VPS13D: variants seen among roughly 807,000 people sequenced by gnomAD.
VPS13D encodes vacuolar protein sorting 13 homolog D.
Under a neutral mutation model 461.9 loss-of-function variants are expected in VPS13D, and 187 were observed. That is an observed-to-expected ratio of 0.40 (90% CI 0.36 to 0.46). VPS13D has a LOEUF of 0.46. Among genes scored for constraint, VPS13D ranks in the 20% least tolerant of loss-of-function variants. The probability of loss-of-function intolerance (pLI) is 0.60; values close to 1 mark genes in which losing one functional copy is unlikely to be tolerated. For synonymous variants in VPS13D, 1,951 were observed against 1,986.3 expected (o/e 0.98, Z 0.47); for missense variants, 4,711 against 5,364.9 (o/e 0.88, Z 3.81).
chr1:12,460,497 AG>A (rs921155424), intron 67 of VPS13D, 101 bp downstream of exon 67: 27 of 1,114,894 alleles, frequency 2.4e-5, no homozygotes, highest in Middle Eastern at 3.2e-4. Flanking sequence ...TCTTAGTTAT[AG>A]GGTTTTTAAT....
Position 12,276,042 on chromosome 1 carries a change from G to A in VPS13D, c.2454G>A (p.Ser818=), listed in dbSNP as rs138595778. 2.2e-4 allele frequency: 350 copies of A among 1,614,076 alleles called. No individual in the cohort carries two copies. Among genetic ancestry groups the A allele is most frequent in the Middle Eastern group, 1.3e-3 (8 of 6,062 alleles). ...GCACAAAGATGTATGAGAGGTACTC[G>A]CTGTCATTTATGGACCTCCAGATCA... ...LMSTKMYERY[S]LSFMDLQIMV... Residue 818 remains serine, a synonymous_variant, in exon 19 of 70, where the codon TCG becomes TCA. Transcript: ENST00000620676. The surrounding 1 kb of genome is among the most constrained non-coding windows in gnomAD (Gnocchi z 4.5).
chr1:12,293,561 G>A lies in VPS13D; in HGVS notation c.5890G>A (p.Asp1964Asn), dbSNP rs1242071725. The change falls in exon 24 of 70, where the codon GAC (aspartate) becomes AAC (asparagine). Residue 1964 changes from aspartate to asparagine, a missense_variant. Coordinates refer to ENST00000620676, the MANE Select transcript of VPS13D (RefSeq NM_015378.4). ...TGACCCTCTGCTCCGGAGAGAACAC[G>A]ACATTCGCGTGAGCCTCCGGATGGC... ...RPDPLLRREH[D>N]IRVSLRMASV... is the part of the protein sequence containing the mutation. 1 of 1,613,820 alleles carries A rather than the reference G, an allele frequency of 6.2e-7. No homozygotes were observed. Among genetic ancestry groups the A allele is most frequent in the East Asian group, 2.2e-5 (1 of 44,868 alleles).
rs1180876889 is a variant in VPS13D at position 12,292,342 on chromosome 1, C to CT, written c.5853-1174dup. ...GGTGGTTTTCAACCCTTTTTTTTTT[C>CT]TTTTTTTTAATCTAAGAGGTATTAG... is the stretch of plus-strand genomic sequence containing the variant. On this transcript the variant is annotated intron_variant, in intron 23 of 69. Coordinates refer to ENST00000620676, the MANE Select transcript of VPS13D (RefSeq NM_015378.4). Among the ~76,000 whole-genome samples, 8 of 70,154 alleles carry CT rather than the reference C, an allele frequency of 1.1e-4. No individual in the cohort carries two copies. The East Asian group carries it at 1.9e-3, about 17-fold the overall frequency. 46.0% of individuals were successfully genotyped at this position (70,154 alleles called of 152,430 possible).
In VPS13D at chr1:12,260,750, G is replaced by A; in HGVS notation, c.1168G>A (p.Glu390Lys). Residue 390 changes from glutamate (E) to lysine (K), a missense_variant, in exon 11 of 70, where the codon GAA becomes AAA. Coordinates refer to ENST00000620676, the MANE Select transcript of VPS13D (RefSeq NM_015378.4). ...CTTTGAGGAATTGAAGATTTTGCGT[G>A]AACTGGTTCATGATCGATTTCACAA... The part of the protein sequence containing the change: ...QSFEELKILR[E>K]LVHDRFHKQE... 6.2e-7 allele frequency: 1 copy of A among 1,614,176 alleles called. No individual in the cohort carries two copies. The highest frequency in any genetic ancestry group is 8.5e-7 in the Non-Finnish European group (1 of 1,180,030).
At chr1:12,466,675 A>G (rs971822951) in intron 67 of VPS13D, among the ~76,000 whole-genome samples, 2 of 151,918 alleles carry the variant, frequency 1.3e-5, no homozygotes, top group Admixed American at 6.5e-5. Context: ...AGGCATGTAT[A>G]TGGTAGAGGT....
At chr1:12,253,667 A>T (rs897421559) in intron 6 of VPS13D, 55 bp from the exon 7 acceptor site, 144 of 1,329,304 alleles carry the variant, frequency 1.1e-4, no homozygotes, top group Middle Eastern at 3.6e-4. Context: ...TGAATGAATG[A>T]CATTCACGAA....
At chr1:12,385,573 T>TGGAATC (rs1412842654) in intron 59 of VPS13D, among the ~76,000 whole-genome samples, 200 bp downstream of exon 59, 1 of 152,212 alleles carries the variant, frequency 6.6e-6, no homozygotes, top group African/African-American at 2.4e-5. Flanking sequence ...AATCAGCATG[T>TGGAATC]AGTAAGCATT....
intron 6 of VPS13D, among the ~76,000 whole-genome samples, chr1:12,253,425 TTA>T (rs1491577908): frequency 6.6e-6 from 1 of 152,200 alleles, no homozygotes; most frequent in South Asian, 2.1e-4. Context: ...TGCCTGAAAC[TTA>T]TATATCTTTC....
Position 12,256,344 on chromosome 1 carries a change from C to G in VPS13D, c.681C>G (p.Ala227=), listed in dbSNP as rs751113065. 5 of 1,613,616 alleles carry G rather than the reference C, an allele frequency of 3.1e-6. No homozygotes were observed. The South Asian group carries it at 5.5e-5, about 18-fold the overall frequency. ...LPQMELQEAM[A]RSMESRSHHY... ...CTTGTGACACACAGGAGGCCATGGC[C>G]AGGAGCATGGAGAGTCGCAGCCATC... Residue 227 remains alanine, a synonymous_variant, in exon 8 of 70, where the codon GCC becomes GCG. Coordinates refer to ENST00000620676, the MANE Select transcript of VPS13D (RefSeq NM_015378.4).
intron 46 of VPS13D, among the ~76,000 whole-genome samples, chr1:12,350,665 AAGTT>A (rs1357772982): frequency 1.3e-4 from 20 of 152,314 alleles, no homozygotes; most frequent in Admixed American, 9.1e-4. Context: ...CTGCCTTCAG[AAGTT>A]AGTTAAAGAA....
At chr1:12,346,109 A>G (rs1429067345) in intron 43 of VPS13D, among the ~76,000 whole-genome samples, 1 of 152,130 alleles carries the variant, frequency 6.6e-6, no homozygotes, top group African/African-American at 2.4e-5. Flanking sequence ...ATCCTCCTTC[A>G]TACTTCATGG....
chr1:12,445,836 A>T (rs575138686), intron 65 of VPS13D, among the ~76,000 whole-genome samples: 3 of 152,300 alleles, frequency 2.0e-5, no homozygotes, highest in African/African-American at 7.2e-5. Context: ...TCCCATTCCC[A>T]TTCTACCTCC....
At chr1:12,506,705 G>C (rs1019894141) in intron 68 of VPS13D, 148 bp from the exon 69 acceptor site, 40 of 1,081,064 alleles carry the variant, frequency 3.7e-5, no homozygotes, top group Non-Finnish European at 5.1e-5. Context: ...ACACCCACAA[G>C]ATAGAATTTC....
At chr1:12,450,007 C>A (rs1193523922) in intron 65 of VPS13D, among the ~76,000 whole-genome samples, 4 of 152,086 alleles carry the variant, frequency 2.6e-5, no homozygotes, top group Non-Finnish European at 4.4e-5. Flanking sequence ...CAACTGTAAT[C>A]CCTGCTACGG....
chr1:12,273,843 A>G (rs949877550), intron 18 of VPS13D, among the ~76,000 whole-genome samples: 2 of 152,206 alleles, frequency 1.3e-5, no homozygotes, highest in African/African-American at 4.8e-5. Context: ...GCTATTAGGC[A>G]TATTGCTGCT....
At chr1:12,384,284 A>C (rs1461660929) in intron 58 of VPS13D, among the ~76,000 whole-genome samples, 1 of 152,152 alleles carries the variant, frequency 6.6e-6, no homozygotes, top group African/African-American at 2.4e-5. Context: ...TGTGGGAATG[A>C]GGGAGAGGAA....
chr1:12,281,002 A>G (rs1641762563), intron 20 of VPS13D, among the ~76,000 whole-genome samples: 1 of 151,892 alleles, frequency 6.6e-6, no homozygotes, highest in Non-Finnish European at 1.5e-5. Context: ...TAGTCTAATG[A>G]GCTTTATGTG....
intron 22 of VPS13D, among the ~76,000 whole-genome samples, chr1:12,288,586 A>G (rs1031262875): frequency 6.6e-6 from 1 of 151,198 alleles, no homozygotes; most frequent in Admixed American, 6.6e-5. Flanking sequence ...TTAAGTTGAG[A>G]TGGAGCCCTG....
intron 5 of VPS13D, among the ~76,000 whole-genome samples, chr1:12,246,853 A>C (rs577561936): frequency 2.6e-5 from 4 of 152,204 alleles, no homozygotes; most frequent in Admixed American, 6.5e-5. Flanking sequence ...TTCTCAGGAC[A>C]TACGACATTT....
Sources: gnomAD v4.1 joint callset for allele counts (sites outside exome capture counted in the v4.1 genomes callset) on GRCh38, gnomAD v4.1.1 for gene constraint, Gnocchi (gnomAD v3.1) non-coding constraint, MANE v1.5 for transcripts, NCBI Gene and HGNC (gene_info 2026-07-23, HGNC 2026-07-21) for gene names.